Variants in GALNTL6 observed in about 807,000 individuals in gnomAD.
GALNTL6 encodes polypeptide N-acetylgalactosaminyltransferase-like 6.
Under a neutral mutation model 73.7 loss-of-function variants are expected in GALNTL6, and 46 were observed. The observed-to-expected ratio is 0.62, with a 90% CI of 0.49 to 0.80. GALNTL6 has a LOEUF of 0.80. Among genes scored for constraint, GALNTL6 ranks in the 30% least tolerant of loss-of-function variants. GALNTL6 has a pLI of 0.00. For synonymous variants in GALNTL6, 259 were observed against 263.7 expected (o/e 0.98, Z 0.17); for missense variants, 604 against 755.0 (o/e 0.80, Z 2.34).
At chr4:171,819,169 G>A (rs182641464) in intron 2 of GALNTL6, among the ~76,000 whole-genome samples, 4 of 152,192 alleles carry the variant, frequency 2.6e-5, no homozygotes, top group Admixed American at 2.0e-4. Flanking sequence ...ATTAGTTTGA[G>A]CCACAGTGGT....
At chr4:172,062,891 T>G (rs1420627904) in intron 2 of GALNTL6, among the ~76,000 whole-genome samples, 1 of 152,226 alleles carries the variant, frequency 6.6e-6, no homozygotes, top group African/African-American at 2.4e-5. Flanking sequence ...CCTTTCTGCT[T>G]CCTTTGCTAC....
intron 5 of GALNTL6, among the ~76,000 whole-genome samples, chr4:172,746,931 T>C (rs565286709): frequency 6.6e-6 from 1 of 152,198 alleles, no homozygotes; most frequent in Non-Finnish European, 1.5e-5. Context: ...GACATGATCT[T>C]CTATATAGAA....
chr4:172,936,998 C>A (rs1173048611), intron 9 of GALNTL6, among the ~76,000 whole-genome samples: 1 of 152,122 alleles, frequency 6.6e-6, no homozygotes, highest in Admixed American at 6.5e-5. Context: ...TAAACTGGAG[C>A]AGCCTGGGCA....
At chr4:172,395,911 A>G (rs545159248) in intron 5 of GALNTL6, among the ~76,000 whole-genome samples, 3 of 152,280 alleles carry the variant, frequency 2.0e-5, no homozygotes, top group East Asian at 3.9e-4. Flanking sequence ...CCCTAAACCT[A>G]TGGAATTCAC....
intron 5 of GALNTL6, among the ~76,000 whole-genome samples, chr4:172,777,748 T>C (rs2110886364): frequency 6.6e-6 from 1 of 152,340 alleles, no homozygotes; most frequent in South Asian, 2.1e-4. Context: ...TGGGTTTTTT[T>C]TTCTCTCACA....
intron 5 of GALNTL6, among the ~76,000 whole-genome samples, chr4:172,790,929 T>A (rs1204813418): frequency 6.6e-6 from 1 of 150,492 alleles, no homozygotes; most frequent in Non-Finnish European, 1.5e-5. Context: ...CATCAGTTCT[T>A]CCACCCGGTC....
At chr4:172,260,028 C>T (rs1738204357) in intron 3 of GALNTL6, among the ~76,000 whole-genome samples, 1 of 150,994 alleles carries the variant, frequency 6.6e-6, no homozygotes, top group Non-Finnish European at 1.5e-5. Context: ...GATGTGAAGC[C>T]TCCAGATGTG....
intron 5 of GALNTL6, among the ~76,000 whole-genome samples, chr4:172,707,918 C>A (rs1226872214): frequency 6.6e-6 from 1 of 151,964 alleles, no homozygotes; most frequent in Non-Finnish European, 1.5e-5. Context: ...CTATGTAGGT[C>A]CAGCAGGGGT....
chr4:172,436,056 C>T (rs1387617823), intron 5 of GALNTL6, among the ~76,000 whole-genome samples: 2 of 152,182 alleles, frequency 1.3e-5, no homozygotes, highest in Admixed American at 1.3e-4. Context: ...GTCTCCTTTC[C>T]GTATCTAAAT....
chr4:172,522,632 C>G (rs1400077350), intron 5 of GALNTL6, among the ~76,000 whole-genome samples: 1 of 148,156 alleles, frequency 6.7e-6, no homozygotes, highest in African/African-American at 2.5e-5. Flanking sequence ...ATTGCACCAT[C>G]GGACTCCAGC....
At chr4:172,438,519 A>G (rs1731718505) in intron 5 of GALNTL6, among the ~76,000 whole-genome samples, 1 of 151,980 alleles carries the variant, frequency 6.6e-6, no homozygotes, top group Non-Finnish European at 1.5e-5. Flanking sequence ...ATTCATCATT[A>G]TATATTATTG....
At chr4:172,541,993 G>T (rs1333798723) in intron 5 of GALNTL6, among the ~76,000 whole-genome samples, 1 of 151,918 alleles carries the variant, frequency 6.6e-6, no homozygotes, top group Non-Finnish European at 1.5e-5. Flanking sequence ...CAGCTACATT[G>T]TCTGAGGTAT....
At chr4:171,979,220 T>C (rs1477860365) in intron 2 of GALNTL6, among the ~76,000 whole-genome samples, 1 of 152,228 alleles carries the variant, frequency 6.6e-6, no homozygotes. Context: ...CAGTGTTTTT[T>C]AATCATCATT....
intron 5 of GALNTL6, among the ~76,000 whole-genome samples, chr4:172,352,221 C>T (rs1333083375): frequency 6.6e-6 from 1 of 152,126 alleles, no homozygotes; most frequent in African/African-American, 2.4e-5. Context: ...ACCTAGTTCT[C>T]AAAATGCTTT....
chr4:171,825,901 A>G (rs1734812725), intron 2 of GALNTL6, among the ~76,000 whole-genome samples: 1 of 152,114 alleles, frequency 6.6e-6, no homozygotes, highest in Non-Finnish European at 1.5e-5. Context: ...GATGTGAGAA[A>G]TATTTTTCAG....
chr4:172,536,011 C>T (rs977491276), intron 5 of GALNTL6, among the ~76,000 whole-genome samples: 5 of 152,212 alleles, frequency 3.3e-5, no homozygotes, highest in Non-Finnish European at 5.9e-5. Context: ...TGGTTACCTT[C>T]ATGCTGTTCT....
intron 5 of GALNTL6, among the ~76,000 whole-genome samples, chr4:172,480,178 A>G (rs1041407159): frequency 1.3e-4 from 20 of 151,998 alleles, no homozygotes; most frequent in African/African-American, 4.8e-4. Flanking sequence ...GTGGTGGCAC[A>G]TATCTATAGT....
At chr4:172,734,006 A>G (rs1412047278) in intron 5 of GALNTL6, among the ~76,000 whole-genome samples, 3 of 152,182 alleles carry the variant, frequency 2.0e-5, no homozygotes, top group Non-Finnish European at 4.4e-5. Context: ...AATAGCTTTG[A>G]CCAAAATGTT....
At chr4:171,860,772 C>G (rs961399909) in intron 2 of GALNTL6, among the ~76,000 whole-genome samples, 1 of 152,106 alleles carries the variant, frequency 6.6e-6, no homozygotes, top group Admixed American at 6.5e-5. Context: ...CGGTTCTGTT[C>G]CTTGTCCTGG....
Sources: gnomAD v4.1 joint callset for allele counts (sites outside exome capture counted in the v4.1 genomes callset) on GRCh38, gnomAD v4.1.1 for gene constraint, MANE v1.5 for transcripts, NCBI Gene and HGNC (gene_info 2026-07-23, HGNC 2026-07-21) for gene names.